The following ATP6V1C2 variants were observed in gnomAD, a reference collection of about 807,000 sequenced individuals.
The protein encoded by ATP6V1C2 is ATPase H+ transporting V1 subunit C2.
In ATP6V1C2, 45 loss-of-function variants were observed where a neutral mutation model predicts 56.8. The ratio of observed to expected loss-of-function variants is 0.79; its 90% confidence interval spans 0.62 to 1.02. The LOEUF is 1.02. Ranked by LOEUF, ATP6V1C2 falls within the 50% of genes least tolerant of loss-of-function variation. The pLI, the probability that ATP6V1C2 is intolerant of heterozygous loss-of-function variation, is 0.00. For missense variants in ATP6V1C2, 463 were observed against 519.7 expected, an observed-to-expected ratio of 0.89 and a Z score of 1.06; for synonymous variants, 220 against 201.3, an observed-to-expected ratio of 1.09 and a Z score of -0.79.
intron 3 of ATP6V1C2, among the ~76,000 whole-genome samples, chr2:10,740,934 G>T (rs193156907): frequency 6.6e-6 from 1 of 152,202 alleles, no homozygotes; most frequent in Non-Finnish European, 1.5e-5. Context: ...TGATCCGCCC[G>T]CCTTGGCCTC....
rs549569862 is a variant in ATP6V1C2 at position 10,724,739 on chromosome 2, C to G, written c.129+1761C>G. Among the ~76,000 whole-genome samples the G allele has an allele frequency of 2.7e-5, 4 of 148,368 alleles. No individual in the cohort carries two copies. In the East Asian group the frequency reaches 8.0e-4, roughly 30 times the overall value. On this transcript the variant is annotated intron_variant, in intron 2 of 13. Coordinates refer to ENST00000272238, the MANE Select transcript of ATP6V1C2 (RefSeq NM_001039362.2). Reference sequence around the variant, plus strand: ...CCAGGCTGGAATGCCGTGGTGCAATCTAGGCTCACTGCAACCTCCGCCTCC... The same window carrying G: ...CCAGGCTGGAATGCCGTGGTGCAATGTAGGCTCACTGCAACCTCCGCCTCC...
At chr2:10,737,851 G>T (rs1209859114) in intron 3 of ATP6V1C2, among the ~76,000 whole-genome samples, 1 of 152,044 alleles carries the variant, frequency 6.6e-6, no homozygotes, top group Non-Finnish European at 1.5e-5. Flanking sequence ...CCACCACCAG[G>T]CCCAGCTATT....
chr2:10,734,476 C>T (rs760648205), intron 3 of ATP6V1C2, among the ~76,000 whole-genome samples: 22 of 152,112 alleles, frequency 1.4e-4, no homozygotes, highest in East Asian at 5.8e-4. Flanking sequence ...TGTAACATGG[C>T]GGCCCTTGGT....
rs150018774 is a variant in ATP6V1C2, at chr2:10,755,141, A to T, written c.283+1075A>T. Among the ~76,000 whole-genome samples, 369 of 152,082 alleles carry T rather than the reference A, an allele frequency of 2.4e-3. 1 individual carries two copies. The highest frequency in any genetic ancestry group is 8.5e-3 in the African/African-American group (352 of 41,476). On this transcript the variant is annotated intron_variant, in intron 4 of 13. Coordinates refer to ENST00000272238, the MANE Select transcript of ATP6V1C2 (RefSeq NM_001039362.2). ...CAAGCGATTCTCCCGCGCTTAAGTG[A>T]TTCTCCCACTTCAGCCTCCCGAGTA...
chr2:10,753,920 G>A, intron 3 of ATP6V1C2, 61 bp from the exon 4 acceptor site: 4 of 1,434,298 alleles, frequency 2.8e-6, no homozygotes, highest in African/African-American at 1.4e-5. Context: ...CCAGCAGCAT[G>A]TGACAGTATT....
At position 10,771,933 on chromosome 2, in the gene ATP6V1C2, C is replaced by G. The variant is rs942103171; in HGVS notation, c.565C>G (p.Pro189Ala). The change falls in exon 7 of 14, where the codon CCC becomes GCC. Residue 189 changes from proline (P) to alanine (A), a missense_variant. By Grantham distance (27) the Pro-to-Ala change is conservative. Coordinates refer to ENST00000272238, the MANE Select transcript of ATP6V1C2 (RefSeq NM_001039362.2). The stretch of plus-strand genomic sequence containing the variant: ...TCTCGTCACACTTCTGGTCATCGTC[C>G]CCAAGTGAGTGCTGGGCGATCACGA... Reference protein sequence around the residue: ...EYLVTLLVIVPKPNYSQWQKT... With the variant: ...EYLVTLLVIVAKPNYSQWQKT... 1 of 1,613,722 alleles carries G rather than the reference C, an allele frequency of 6.2e-7. No individual in the cohort carries two copies. Among genetic ancestry groups the G allele is most frequent in the Non-Finnish European group, 8.5e-7 (1 of 1,179,678 alleles).
At chr2:10,782,176 G>A (rs1665404179) in intron 12 of ATP6V1C2, 67 bp from the exon 13 acceptor site, 1 of 1,582,892 alleles carries the variant, frequency 6.3e-7, no homozygotes, top group South Asian at 1.1e-5. Context: ...ACTGTTTCTG[G>A]TCAGGTTCCT....
chr2:10,728,296 C>A (rs895541130), intron 3 of ATP6V1C2, among the ~76,000 whole-genome samples: 6 of 152,118 alleles, frequency 3.9e-5, no homozygotes, highest in Non-Finnish European at 7.3e-5. Context: ...GTTTCCCAGG[C>A]TGGCCTTGAA....
At position 10,784,557 on chromosome 2, in the gene ATP6V1C2, C is replaced by T. The variant is rs1378191037; in HGVS notation, c.*1294C>T. 16 of 483,042 alleles carry T rather than the reference C, an allele frequency of 3.3e-5. No individual in the cohort carries two copies. The highest frequency in any genetic ancestry group is 5.0e-4 in the Middle Eastern group (1 of 1,984). 29.9% of individuals were successfully genotyped at this position (483,042 alleles called of 1,614,324 possible). ...TCACTCACCATTTTAACACTGGAAGCCACTTGAACGTGTCCTTTTGAGGAG... is the reference window on the plus strand; with the variant it reads ...TCACTCACCATTTTAACACTGGAAGTCACTTGAACGTGTCCTTTTGAGGAG... On this transcript the variant is annotated 3_prime_UTR_variant, in exon 14 of 14. Transcript: ENST00000272238.
At chr2:10,730,156 C>T (rs1661872795) in intron 3 of ATP6V1C2, among the ~76,000 whole-genome samples, 1 of 152,072 alleles carries the variant, frequency 6.6e-6, no homozygotes, top group Non-Finnish European at 1.5e-5. Flanking sequence ...TGCTCTGTTG[C>T]CCCAGCTGGA....
intron 5 of ATP6V1C2, among the ~76,000 whole-genome samples, chr2:10,767,121 C>T (rs1056739013): frequency 1.4e-5 from 2 of 144,658 alleles, no homozygotes; most frequent in Non-Finnish European, 3.0e-5. Flanking sequence ...AAAATCATCA[C>T]TTTATCTTTA....
At chr2:10,754,625 T>C (rs964281138) in intron 4 of ATP6V1C2, among the ~76,000 whole-genome samples, 2 of 151,358 alleles carry the variant, frequency 1.3e-5, no homozygotes, top group Non-Finnish European at 2.9e-5. Context: ...CAGGATGGAA[T>C]GCAGTGGCGC....
chr2:10,768,926 A>G, intron 6 of ATP6V1C2, 116 bp downstream of exon 6: 1 of 811,252 alleles, frequency 1.2e-6, no homozygotes, highest in South Asian at 1.6e-5. Context: ...AGAGTGAGAC[A>G]GACAGACAGG....
intron 3 of ATP6V1C2, among the ~76,000 whole-genome samples, chr2:10,751,576 C>T (rs60884889): frequency 6.6e-6 from 1 of 152,232 alleles, no homozygotes; most frequent in Non-Finnish European, 1.5e-5. Context: ...GCTACAGTGA[C>T]GGTAAAGATA....
intron 4 of ATP6V1C2, among the ~76,000 whole-genome samples, chr2:10,756,586 C>T (rs1663563838): frequency 6.6e-6 from 1 of 151,074 alleles, no homozygotes; most frequent in South Asian, 2.1e-4. Flanking sequence ...GGTGTGGTGG[C>T]TGGCGCTTGT....
In ATP6V1C2 at chr2:10,752,462, T is replaced by G. The variant is rs552865463; in HGVS notation, c.198-1519T>G. Among the ~76,000 whole-genome samples, 136 of 152,298 alleles carry G rather than the reference T, an allele frequency of 8.9e-4. 1 individual carries two copies. Among genetic ancestry groups the G allele is most frequent in the African/African-American group, 3.1e-3 (130 of 41,576 alleles). On this transcript the variant is annotated intron_variant, in intron 3 of 13. Transcript: ENST00000272238. Reference sequence around the variant, plus strand: ...CCTCCTGCAAACACCACCTCCCTCCTGAGGGCGGGGAGAATGTGGAGAGAG... The same window carrying G: ...CCTCCTGCAAACACCACCTCCCTCCGGAGGGCGGGGAGAATGTGGAGAGAG...
At chr2:10,724,823 C>T (rs1488116934) in intron 2 of ATP6V1C2, among the ~76,000 whole-genome samples, 3 of 152,094 alleles carry the variant, frequency 2.0e-5, no homozygotes, top group Non-Finnish European at 4.4e-5. Context: ...CAGGCACATG[C>T]CACCATGCCT....
chr2:10,782,995 G>C (rs1665480668), intron 13 of ATP6V1C2, among the ~76,000 whole-genome samples, 179 bp from the exon 14 acceptor site: 1 of 152,240 alleles, frequency 6.6e-6, no homozygotes, highest in African/African-American at 2.4e-5. Context: ...CTGTCAGCCT[G>C]TTATGAAAAT....
chr2:10,763,201 C>T lies in ATP6V1C2; in HGVS notation c.284-1130C>T, dbSNP rs530586564. ...TCCCTGACTCACAGTGCCCCGAGTACGTAGCGCTGCCAGCCCTCCTCACCT... is the reference window on the plus strand; with the variant it reads ...TCCCTGACTCACAGTGCCCCGAGTATGTAGCGCTGCCAGCCCTCCTCACCT... On this transcript the variant is annotated intron_variant, in intron 4 of 13. Coordinates refer to ENST00000272238, the MANE Select transcript of ATP6V1C2 (RefSeq NM_001039362.2). This position sits in a 1 kb window ranked among gnomAD's most constrained non-coding sequence, Gnocchi z 4.2. Among the ~76,000 whole-genome samples the T allele has an allele frequency of 9.5e-4, 145 of 152,272 alleles. No homozygotes were observed. The highest frequency in any genetic ancestry group is 3.4e-3 in the African/African-American group (140 of 41,564).
Sources: gnomAD v4.1 joint callset for allele counts (sites outside exome capture counted in the v4.1 genomes callset) on GRCh38, gnomAD v4.1.1 for gene constraint, Gnocchi (gnomAD v3.1) non-coding constraint, MANE v1.5 for transcripts, NCBI Gene and HGNC (gene_info 2026-07-23, HGNC 2026-07-21) for gene names.